CDK1: variants seen among roughly 807,000 people sequenced by gnomAD.
CDK1 encodes the protein cyclin dependent kinase 1, also known as cyclin-dependent kinase 1.
Under a neutral mutation model 34.6 loss-of-function variants are expected in CDK1, and 5 were observed. The ratio of observed to expected loss-of-function variants is 0.14; its 90% CI spans 0.08 to 0.30. The LOEUF (loss-of-function observed/expected upper bound fraction) is 0.30. CDK1 is among the 10% of genes least tolerant of loss of function. CDK1 has a pLI of 1.00. For synonymous variants in CDK1, 108 were observed against 114.7 expected, an observed-to-expected ratio of 0.94 and a Z score of 0.37; for missense variants, 157 against 345.7, an observed-to-expected ratio of 0.45 and a Z score of 4.33.
chr10:60,789,056 T>A lies in CDK1; in HGVS notation c.489+826T>A, dbSNP rs140421893. 1.2e-4 allele frequency among the ~76,000 whole-genome samples: 18 copies of A among 152,298 alleles called. 1 individual carries two copies. Among genetic ancestry groups the A allele is most frequent in the African/African-American group, 4.3e-4 (18 of 41,578 alleles). On this transcript the variant is annotated intron_variant, in intron 5 of 7. Transcript: ENST00000395284. ...ACTAAAATGGTTGGTTAGTTCTAGATCACTAATCTGTTATTTGACTTATTC... is the reference window on the plus strand; with the variant it reads ...ACTAAAATGGTTGGTTAGTTCTAGAACACTAATCTGTTATTTGACTTATTC...
At chr10:60,783,119 T>C (rs1252773636) in intron 2 of CDK1, among the ~76,000 whole-genome samples, 5 of 152,294 alleles carry the variant, frequency 3.3e-5, no homozygotes, top group Non-Finnish European at 5.9e-5. Flanking sequence ...GTTTACCTAC[T>C]TTTTGTGTTT....
At chr10:60,791,762 A>T in intron 5 of CDK1, 128 bp from the exon 6 acceptor site, 1 of 530,170 alleles carries the variant, frequency 1.9e-6, no homozygotes. Context: ...CCTTTAATTG[A>T]CTTAAACAAT....
intron 4 of CDK1, 66 bp downstream of exon 4, chr10:60,785,853 T>G (rs2080311395): frequency 7.2e-7 from 1 of 1,392,454 alleles, no homozygotes; most frequent in African/African-American, 1.5e-5. Flanking sequence ...TATATAGAAG[T>G]CCCTGCATTT....
chr10:60,778,961 G>A (rs971924782), intron 1 of CDK1, among the ~76,000 whole-genome samples: 39 of 152,294 alleles, frequency 2.6e-4, no homozygotes, highest in African/African-American at 8.9e-4. Flanking sequence ...CGGCCCCTGC[G>A]CGCCCTGCCA....
chr10:60,793,386 A>G (rs1393766056), intron 7 of CDK1, among the ~76,000 whole-genome samples: 1 of 152,000 alleles, frequency 6.6e-6, no homozygotes, highest in Admixed American at 6.6e-5. Flanking sequence ...TAACATACTA[A>G]GTTGTGTGAC....
At chr10:60,787,921 A>G in intron 4 of CDK1, 139 bp from the exon 5 acceptor site, 2 of 464,120 alleles carry the variant, frequency 4.3e-6, no homozygotes. Flanking sequence ...CCACCCACAA[A>G]TGCTTATTAG....
intron 4 of CDK1, 38 bp from the exon 5 acceptor site, chr10:60,788,022 C>T (rs769275751): frequency 1.4e-5 from 15 of 1,063,670 alleles, no homozygotes; most frequent in Non-Finnish European, 7.7e-6. Context: ...AAATCATGTA[C>T]TTCGCTTAAG....
At chr10:60,789,761 C>T (rs797008935) in intron 5 of CDK1, among the ~76,000 whole-genome samples, 1 of 152,096 alleles carries the variant, frequency 6.6e-6, no homozygotes, top group Non-Finnish European at 1.5e-5. Context: ...TGGACATATA[C>T]CCCCAGCAGT....
Position 60,785,657 on chromosome 10 carries a change from T to TC in CDK1, c.195-3dup. The TC allele has an allele frequency of 6.4e-7, 1 of 1,551,572 alleles. No homozygotes were observed. Among genetic ancestry groups the TC allele is most frequent in the Non-Finnish European group, 8.8e-7 (1 of 1,138,102 alleles). Reference sequence around the variant, plus strand: ...GGATTCTTCTCTCATATATTTTTTTTCCCCAGTCTTCAGGATGTGCTTATG... The same window carrying TC: ...GGATTCTTCTCTCATATATTTTTTTTCCCCCAGTCTTCAGGATGTGCTTATG... On this transcript the variant is annotated splice_region_variant and splice_polypyrimidine_tract_variant and intron_variant, in intron 3 of 7. Transcript: ENST00000395284.
intron 2 of CDK1, among the ~76,000 whole-genome samples, chr10:60,784,099 GTTAATTT>G: frequency 6.6e-6 from 1 of 152,264 alleles, no homozygotes; most frequent in East Asian, 1.9e-4. Context: ...TTGACAGAAG[GTTAATTT>G]TAATTTGCAA....
Position 60,784,789 on chromosome 10 carries a change from A to G in CDK1, c.122A>G (p.Glu41Gly). Residue 41 changes from glutamate (E) to glycine (G), a missense_variant, in exon 3 of 8, where the codon GAG (glutamate) becomes GGG (glycine). By Grantham distance (98) the Glu-to-Gly change is moderately conservative. This residue lies in a region of CDK1 where 53 missense variants were observed against 89.2 expected (regional missense o/e 0.59). Transcript: ENST00000395284. Reference protein sequence around the residue: ...AMKKIRLESEEEGVPSTAIRE... With the variant: ...AMKKIRLESEGEGVPSTAIRE... ...AAAAAAATCAGACTAGAAAGTGAAG[A>G]GGAAGGGGTTCCTAGTACTGCAATT... 2.5e-6 allele frequency: 4 copies of G among 1,612,872 alleles called. No homozygotes were observed. The highest frequency in any genetic ancestry group is 3.4e-6 in the Non-Finnish European group (4 of 1,178,844).
intron 3 of CDK1, 129 bp downstream of exon 3, chr10:60,784,990 T>TGAG: frequency 2.6e-6 from 2 of 775,450 alleles, no homozygotes; most frequent in Non-Finnish European, 4.2e-6. Context: ...ACCCTATTTT[T>TGAG]GGTAGTTGAG....
In CDK1 at chr10:60,785,658, C is replaced by T. The variant is rs1353837732; in HGVS notation, c.195-6C>T. On this transcript the variant is annotated splice_region_variant and splice_polypyrimidine_tract_variant and intron_variant, in intron 3 of 7. Coordinates refer to ENST00000395284, the MANE Select transcript of CDK1 (RefSeq NM_001786.5). ...GATTCTTCTCTCATATATTTTTTTTCCCCAGTCTTCAGGATGTGCTTATGC... is the reference window on the plus strand; with the variant it reads ...GATTCTTCTCTCATATATTTTTTTTTCCCAGTCTTCAGGATGTGCTTATGC... The T allele has an allele frequency of 7.1e-6, 11 of 1,547,750 alleles. No individual in the cohort carries two copies. The East Asian group carries it at 1.4e-4, about 19-fold the overall frequency.
At chr10:60,793,623 T>C (rs2080376566) in intron 7 of CDK1, among the ~76,000 whole-genome samples, 3 of 152,052 alleles carry the variant, frequency 2.0e-5, no homozygotes, top group African/African-American at 7.2e-5. Context: ...GATGCTTGAG[T>C]CTTACCGTAA....
chr10:60,791,832 A>C (rs1459630434), intron 5 of CDK1, 58 bp from the exon 6 acceptor site: 1 of 886,570 alleles, frequency 1.1e-6, no homozygotes, highest in Non-Finnish European at 1.8e-6. Flanking sequence ...ATAAATGTTT[A>C]AGTGTAGGTA....
intron 4 of CDK1, chr10:60,786,960 G>T (rs1165417698): frequency 1.0e-6 from 1 of 983,104 alleles, no homozygotes; most frequent in African/African-American, 1.8e-5. Context: ...TATTTTTCTG[G>T]TAGTTTTAGT....
intron 2 of CDK1, 127 bp from the exon 3 acceptor site, chr10:60,784,578 C>G: frequency 1.4e-6 from 1 of 709,618 alleles, no homozygotes; most frequent in East Asian, 2.7e-5. Context: ...TGTAGTGAGC[C>G]TTGATTGACC....
rs1311418324 is a variant in CDK1, at chr10:60,785,795, C to T, written c.318+8C>T. On this transcript the variant is annotated splice_region_variant and intron_variant, in intron 4 of 7. Transcript: ENST00000395284. ...GATTCTTCACTTGTTAAGGTAAAAG[C>T]TTAACTAATTTTATTAATATTTATG... 1 of 1,578,168 alleles carries T rather than the reference C, an allele frequency of 6.3e-7. No individual in the cohort carries two copies. Among genetic ancestry groups the T allele is most frequent in the South Asian group, 1.2e-5 (1 of 84,074 alleles).
intron 4 of CDK1, among the ~76,000 whole-genome samples, chr10:60,787,342 A>G (rs1337003332): frequency 1.3e-5 from 2 of 152,094 alleles, no homozygotes; most frequent in Non-Finnish European, 1.5e-5. Flanking sequence ...GGTGTGTTCA[A>G]TGCATTTCGA....
Sources: allele counts gnomAD v4.1 joint callset (sites outside exome capture counted in the v4.1 genomes callset), GRCh38; gene constraint gnomAD v4.1.1; regional missense constraint gnomAD v4.1.1; transcripts MANE v1.5; gene names NCBI Gene and HGNC (gene_info 2026-07-23, HGNC 2026-07-21).